Variants in HAPSTR1 observed in about 807,000 individuals in gnomAD.
The protein encoded by HAPSTR1 is HUWE1 associated protein modifying stress responses.
chr16:9,105,652 A>T, the HAPSTR1 span: 10 of 152,182 alleles, frequency 6.6e-5, no homozygotes, highest in African/African-American at 2.4e-4. Context: ...TGGAAACACC[A>T]TAGTTAGGGT....
At chr16:9,108,844 T>A in the HAPSTR1 span, 3 of 152,112 alleles carry the variant, frequency 2.0e-5, no homozygotes, top group Admixed American at 2.0e-4. Context: ...TACAAGACAT[T>A]ATATTAAATG....
the HAPSTR1 span, chr16:9,112,114 G>A: frequency 6.6e-6 from 1 of 152,114 alleles, no homozygotes; most frequent in African/African-American, 2.4e-5. Context: ...GATTGGGGTG[G>A]GGAGTGGTAT....
chr16:9,098,122 G>A, the HAPSTR1 span, among the ~76,000 whole-genome samples: 2 of 152,144 alleles, frequency 1.3e-5, no homozygotes, highest in Non-Finnish European at 2.9e-5. Flanking sequence ...TTTGAGGTCG[G>A]GAGTTTGAGA....
chr16:9,113,484 T>A, the HAPSTR1 span, among the ~76,000 whole-genome samples: 344 of 152,338 alleles, frequency 2.3e-3, 4 homozygotes, highest in Admixed American at 0.019. Context: ...CCACTTCTGA[T>A]ACAGTGTTTT....
At chr16:9,105,566 G>C in the HAPSTR1 span, 1 of 152,222 alleles carries the variant, frequency 6.6e-6, no homozygotes, top group African/African-American at 2.4e-5. Flanking sequence ...ACATAGATTA[G>C]TGACTTCAAC....
At chr16:9,099,783 A>T in the HAPSTR1 span, among the ~76,000 whole-genome samples, 1 of 152,294 alleles carries the variant, frequency 6.6e-6, no homozygotes, top group East Asian at 1.9e-4. Flanking sequence ...TCCACTGTAC[A>T]CTAGTTTGTC....
the HAPSTR1 span, chr16:9,103,154 C>T: frequency 6.2e-7 from 1 of 1,614,106 alleles, no homozygotes; most frequent in South Asian, 1.1e-5. Context: ...CTCTAGAGCT[C>T]CCCCAAGACT....
the HAPSTR1 span, among the ~76,000 whole-genome samples, chr16:9,102,278 T>C: frequency 7.0e-6 from 1 of 142,722 alleles, no homozygotes; most frequent in African/African-American, 2.8e-5. Context: ...TAAAACTAAA[T>C]AATAGTCACT....
the HAPSTR1 span, chr16:9,109,554 G>C: frequency 6.6e-6 from 1 of 152,212 alleles, no homozygotes; most frequent in African/African-American, 2.4e-5. Context: ...CACTGGGCCT[G>C]AGTTGTCTCT....
At chr16:9,099,508 T>A in the HAPSTR1 span, among the ~76,000 whole-genome samples, 14 of 152,186 alleles carry the variant, frequency 9.2e-5, no homozygotes, top group Non-Finnish European at 2.1e-4. Flanking sequence ...AGTTCCTTTT[T>A]TGAATAAGGA....
At chr16:9,117,305 C>G in the HAPSTR1 span, 1 of 193,410 alleles carries the variant, frequency 5.2e-6, no homozygotes, top group African/African-American at 2.4e-5. Context: ...GAGTATTTTG[C>G]TTCAACAGTA....
the HAPSTR1 span, among the ~76,000 whole-genome samples, chr16:9,113,423 A>T: frequency 5.3e-5 from 8 of 152,180 alleles, no homozygotes; most frequent in Non-Finnish European, 1.0e-4. Flanking sequence ...CTTCTTTTTC[A>T]TGGAGAATGG....
the HAPSTR1 span, among the ~76,000 whole-genome samples, chr16:9,096,891 T>C: frequency 1.3e-5 from 2 of 152,230 alleles, no homozygotes; most frequent in Admixed American, 1.3e-4. Context: ...GCCTCAGTTA[T>C]ACATAATACT....
the HAPSTR1 span, chr16:9,112,432 G>C: frequency 6.6e-6 from 1 of 152,364 alleles, no homozygotes; most frequent in South Asian, 2.1e-4. Flanking sequence ...ACCTGCGCTG[G>C]TGGATCAACG....
the HAPSTR1 span, chr16:9,103,600 G>C: frequency 6.2e-5 from 13 of 209,192 alleles, no homozygotes; most frequent in Non-Finnish European, 9.7e-5. Context: ...TGTGTCTTAA[G>C]AATTCTGTTA....
chr16:9,119,203 A>C, the HAPSTR1 span: 8 of 152,358 alleles, frequency 5.3e-5, no homozygotes, highest in Non-Finnish European at 7.3e-5. Context: ...AATAAACATG[A>C]AGCTCAGCAG....
chr16:9,109,251 A>G, the HAPSTR1 span: 1 of 152,088 alleles, frequency 6.6e-6, no homozygotes, highest in Non-Finnish European at 1.5e-5. Context: ...CTATCTCTGG[A>G]AAGGGTTGGA....
the HAPSTR1 span, among the ~76,000 whole-genome samples, chr16:9,115,435 A>C: frequency 3.3e-4 from 50 of 152,308 alleles, no homozygotes; most frequent in African/African-American, 1.2e-3. Flanking sequence ...GCAGAAGATC[A>C]CTGCCAGTGA....
the HAPSTR1 span, chr16:9,109,606 A>AT: frequency 6.6e-6 from 1 of 152,208 alleles, no homozygotes; most frequent in Non-Finnish European, 1.5e-5. Context: ...GGCCTCTAGC[A>AT]TGCAGGGTCT....
Sources: gnomAD v4.1 joint callset for allele counts (sites outside exome capture counted in the v4.1 genomes callset) on GRCh38, gnomAD v4.1.1 for gene constraint, MANE v1.5 for transcripts, NCBI Gene and HGNC (gene_info 2026-07-23, HGNC 2026-07-21) for gene names.